The following PLEKHA4 variants were observed in gnomAD, a reference collection of about 807,000 sequenced individuals.
PLEKHA4 encodes the protein pleckstrin homology domain containing A4.
In PLEKHA4, 73 loss-of-function variants were observed where a neutral mutation model predicts 94.7. That is an observed-to-expected ratio of 0.77 (90% CI 0.64 to 0.94). The LOEUF is 0.94. PLEKHA4 is among the 40% of genes least tolerant of loss of function. The probability of loss-of-function intolerance (pLI) is 0.00; values close to 1 mark genes in which losing one functional copy is unlikely to be tolerated. For missense variants in PLEKHA4, 1,049 were observed against 1,054.1 expected (o/e 1.00, Z 0.07); for synonymous variants, 449 against 437.1 (o/e 1.03, Z -0.34).
chr19:48,864,686 G>A (rs1009129168), intron 3 of PLEKHA4, among the ~76,000 whole-genome samples: 1 of 151,928 alleles, frequency 6.6e-6, no homozygotes, highest in African/African-American at 2.4e-5. Context: ...TTAGCCTCCC[G>A]AGTAGCTGGG....
chr19:48,837,411 C>G lies in PLEKHA4; in HGVS notation c.2218G>C (p.Gly740Arg), dbSNP rs1360991046. The G allele has an allele frequency of 6.2e-7, 1 of 1,613,612 alleles. No individual in the cohort carries two copies. Among genetic ancestry groups the G allele is most frequent in the Admixed American group, 1.7e-5 (1 of 59,912 alleles). ...CAGGGGGTGGGACCTCCTCCACGCC[C>G]ACTCCCTCGGCGAGAGAACCCCGTG... ...GSTGFSRRGS[G>R]RGGGPTPWGP... The change falls in exon 20 of 20, where the codon GGG becomes CGG. Residue 740 changes from glycine (G) to arginine (R), a missense_variant. By Grantham distance (125) the Gly-to-Arg change is moderately radical. Transcript: ENST00000263265. The surrounding 1 kb of genome is among the most constrained non-coding windows in gnomAD (Gnocchi z 4.3).
intron 14 of PLEKHA4, among the ~76,000 whole-genome samples, chr19:48,846,010 CA>C (rs1159060833): frequency 0.037 from 2,622 of 71,260 alleles, 23 homozygotes; most frequent in Middle Eastern, 0.085. Context: ...GACTCTGCCT[CA>C]AAAAAAAAAA....
At chr19:48,847,796 G>T (rs1485229907) in intron 14 of PLEKHA4, 104 bp downstream of exon 14, 3 of 1,341,876 alleles carry the variant, frequency 2.2e-6, no homozygotes, top group Non-Finnish European at 3.0e-6. Context: ...TACCAGGTGG[G>T]TTAGCTGATC....
intron 3 of PLEKHA4, among the ~76,000 whole-genome samples, chr19:48,862,276 C>T (rs776600864): frequency 3.3e-5 from 5 of 149,528 alleles, no homozygotes; most frequent in African/African-American, 7.4e-5. Flanking sequence ...TCTCGGCTCA[C>T]GGCAACCTCT....
chr19:48,842,095 TG>T (rs1260335926), intron 16 of PLEKHA4, among the ~76,000 whole-genome samples: 10 of 152,088 alleles, frequency 6.6e-5, no homozygotes, highest in African/African-American at 1.9e-4. Flanking sequence ...TTTATATAAA[TG>T]ATGGCCAGTG....
In PLEKHA4 at chr19:48,860,376, C is replaced by T. The variant is rs770505730; in HGVS notation, c.450G>A (p.Arg150=). 1 of 1,614,018 alleles carries T rather than the reference C, an allele frequency of 6.2e-7. No individual in the cohort carries two copies. Among genetic ancestry groups the T allele is most frequent in the South Asian group, 1.1e-5 (1 of 91,076 alleles). ...DLRGWLRALG[R]ASRAEGDDYG... is the part of the protein sequence containing the mutation. ...AGTCGTCCCCCTCCGCACGGGAGGC[C>T]CGGCCCAGCGCCCGTAGCCAGCCCC... The change falls in exon 6 of 20, where the codon CGG becomes CGA. Residue 150 remains arginine, a synonymous_variant. Transcript: ENST00000263265.
chr19:48,859,060 C>G lies in PLEKHA4; in HGVS notation c.772G>C (p.Ala258Pro), dbSNP rs757041580. 59 of 1,278,774 alleles carry G rather than the reference C, an allele frequency of 4.6e-5. No homozygotes were observed. Among genetic ancestry groups the G allele is most frequent in the Non-Finnish European group, 5.2e-5 (52 of 995,034 alleles). 79.2% of individuals were successfully genotyped at this position (1,278,774 alleles called of 1,614,324 possible). A position where few individuals can be genotyped will look rare whatever the true frequency, so the allele number is the denominator to read the frequency against. ...GGGGGTGCTGTGTCTCCTGAGGGGG[C>G]AGGGGGTCGCCGCGCAGGGGCAGAA... ...PRSAPARRPPAPSGDTAPPAR... is the reference protein window; with the variant it reads ...PRSAPARRPPPPSGDTAPPAR... Residue 258 changes from alanine (A) to proline (P), a missense_variant, in exon 8 of 20, where the codon GCC becomes CCC. By Grantham distance (27) the Ala-to-Pro change is conservative. Transcript: ENST00000263265.
Position 48,847,576 on chromosome 19 carries a change from A to G in PLEKHA4, c.1566+324T>C, listed in dbSNP as rs150836935. On this transcript the variant is annotated intron_variant, in intron 14 of 19. Transcript: ENST00000263265. ...GTGAAACTCCGTTTCTACTAAAAAT[A>G]CAAAACTTAGCCAGGCTTGGTTGTG... Among the ~76,000 whole-genome samples the G allele has an allele frequency of 2.0e-5, 3 of 152,278 alleles. No homozygotes were observed. The East Asian group carries it at 5.8e-4, about 29-fold the overall frequency.
chr19:48,856,030 G>A (rs1162742982), intron 9 of PLEKHA4, among the ~76,000 whole-genome samples: 1 of 151,506 alleles, frequency 6.6e-6, no homozygotes, highest in Non-Finnish European at 1.5e-5. Flanking sequence ...AAATTAGCAG[G>A]GCGTGGTGGT....
intron 16 of PLEKHA4, among the ~76,000 whole-genome samples, chr19:48,841,834 T>A (rs2035779944): frequency 6.6e-6 from 1 of 152,104 alleles, no homozygotes; most frequent in African/African-American, 2.4e-5. Flanking sequence ...GCCTGTCAGC[T>A]ACTCAAGAGG....
Position 48,841,145 on chromosome 19 carries a change from T to G in PLEKHA4, c.1905+4A>C, listed in dbSNP as rs1326782049. Reference sequence around the variant, plus strand: ...CCGCCCAGCCCCAGCCCTCCTCCCCTCACCCTTTGCTCCACGTCAGGCTGG... The same window carrying G: ...CCGCCCAGCCCCAGCCCTCCTCCCCGCACCCTTTGCTCCACGTCAGGCTGG... On this transcript the variant is annotated splice_donor_region_variant and intron_variant, in intron 17 of 19. Coordinates refer to ENST00000263265, the MANE Select transcript of PLEKHA4 (RefSeq NM_020904.3). The G allele has an allele frequency of 2.5e-6, 4 of 1,605,900 alleles. No homozygotes were observed. In the East Asian group the frequency reaches 9.0e-5, roughly 36 times the overall value.
At chr19:48,865,871 G>A (rs572716475) in intron 2 of PLEKHA4, among the ~76,000 whole-genome samples, 18 of 151,890 alleles carry the variant, frequency 1.2e-4, no homozygotes, top group Admixed American at 7.2e-4. Flanking sequence ...AAAATTAGCC[G>A]GGCGTGGTGG....
intron 3 of PLEKHA4, among the ~76,000 whole-genome samples, chr19:48,862,884 C>T (rs1003633590): frequency 4.6e-5 from 7 of 152,312 alleles, no homozygotes; most frequent in African/African-American, 1.2e-4. Flanking sequence ...CTCGTCTATC[C>T]GCTGGAGATT....
In PLEKHA4 at chr19:48,841,318, G is replaced by A. The variant is rs1400394237; in HGVS notation, c.1744-8C>T. 1.3e-6 allele frequency: 2 copies of A among 1,597,846 alleles called. No individual in the cohort carries two copies. The highest frequency in any genetic ancestry group is 1.7e-6 in the Non-Finnish European group (2 of 1,172,538). On this transcript the variant is annotated splice_polypyrimidine_tract_variant and splice_region_variant and intron_variant, in intron 16 of 19. Transcript: ENST00000263265. Reference sequence around the variant, plus strand: ...GGGCCGGGCCACCGGGGCCTAGGGAGGCGAGAAACGTCCCAAGACCCAACC... The same window carrying A: ...GGGCCGGGCCACCGGGGCCTAGGGAAGCGAGAAACGTCCCAAGACCCAACC...
At chr19:48,842,614 T>G (rs2035812240) in intron 16 of PLEKHA4, among the ~76,000 whole-genome samples, 1 of 152,226 alleles carries the variant, frequency 6.6e-6, no homozygotes, top group Non-Finnish European at 1.5e-5. Flanking sequence ...GTGCCCAACA[T>G]CTGCTACCCA....
At chr19:48,859,368 T>G in intron 7 of PLEKHA4, 101 bp downstream of exon 7, 1 of 1,285,986 alleles carries the variant, frequency 7.8e-7, no homozygotes, top group Non-Finnish European at 1.1e-6. Flanking sequence ...CCCCAGCAAG[T>G]CACACACACT....
chr19:48,861,076 C>T (rs560472541), intron 5 of PLEKHA4, among the ~76,000 whole-genome samples: 1 of 152,070 alleles, frequency 6.6e-6, no homozygotes, highest in Admixed American at 6.6e-5. Context: ...GGCGTGGTGG[C>T]GTGCGCCTGT....
chr19:48,867,411 T>G lies in PLEKHA4; in HGVS notation c.84+126A>C. ...TGCGGTGTGTAGGCAATTTGGGACC[T>G]TACTATGTCTGGCAGACCCCGTTGC... On this transcript the variant is annotated intron_variant, in intron 2 of 19. Coordinates refer to ENST00000263265, the MANE Select transcript of PLEKHA4 (RefSeq NM_020904.3). This position sits in a 1 kb window ranked among gnomAD's most constrained non-coding sequence, Gnocchi z 4.7. The G allele has an allele frequency of 9.0e-7, 1 of 1,111,834 alleles. No individual in the cohort carries two copies. The highest frequency in any genetic ancestry group is 1.3e-6 in the Non-Finnish European group (1 of 783,236). The allele number at this position is 1,111,834 out of a possible 1,614,324, so 68.9% of individuals were successfully genotyped here. A position where few individuals can be genotyped will look rare whatever the true frequency, so the allele number is the denominator to read the frequency against.
At chr19:48,849,973 G>A (rs1243731383) in intron 13 of PLEKHA4, among the ~76,000 whole-genome samples, 2 of 152,186 alleles carry the variant, frequency 1.3e-5, no homozygotes, top group Non-Finnish European at 2.9e-5. Context: ...AGCACTTTGG[G>A]AGGCCGAGGC....
Sources: gnomAD v4.1 joint callset for allele counts (sites outside exome capture counted in the v4.1 genomes callset) on GRCh38, gnomAD v4.1.1 for gene constraint, Gnocchi (gnomAD v3.1) non-coding constraint, MANE v1.5 for transcripts, NCBI Gene and HGNC (gene_info 2026-07-23, HGNC 2026-07-21) for gene names.